KL: variants seen among roughly 807,000 people sequenced by gnomAD.
The protein encoded by KL is alpha-klotho.
KL carries 62 observed loss-of-function variants against 84.2 expected under a neutral mutation model. That is an observed-to-expected ratio of 0.74 (90% confidence interval 0.60 to 0.91). KL has a LOEUF of 0.91. Among genes scored for constraint, KL ranks in the 40% least tolerant of loss-of-function variants. The pLI is 0.00. For missense variants in KL, 1,261 were observed against 1,305.7 expected (o/e 0.97, Z 0.53); for synonymous variants, 528 against 528.0 (o/e 1.00, Z 0.00).
At chr13:33,043,382 G>A (rs1160191265) in intron 1 of KL, among the ~76,000 whole-genome samples, 1 of 151,980 alleles carries the variant, frequency 6.6e-6, no homozygotes, top group Non-Finnish European at 1.5e-5. Context: ...ACCACACCCA[G>A]CTAATTTTTG....
intron 3 of KL, among the ~76,000 whole-genome samples, chr13:33,058,332 ATTTTCTTTTTTTTT>A (rs372036387): frequency 0.019 from 2,769 of 147,660 alleles, 60 homozygotes; most frequent in Non-Finnish European, 0.03. Context: ...AAAGTCCTGT[ATTTTCTTTTTTTTT>A]TTTTCTTTTT....
rs1013502939 is a variant in KL, at chr13:33,061,478, C to A, written c.2399C>A (p.Thr800Asn). Residue 800 changes from threonine to asparagine, a missense_variant, in exon 4 of 5, where the codon ACC becomes AAC. Physicochemically the swap from Thr to Asn is moderately conservative, Grantham distance 65. Coordinates refer to ENST00000380099, the MANE Select transcript of KL (RefSeq NM_004795.4). ...TEDEKKLIQG[T>N]FDFLALSHYT... ...GATGAAAAAAAGCTAATCCAGGGTA[C>A]CTTTGACTTTTTGGCTTTAAGCCAT... 1 of 1,614,146 alleles carries A rather than the reference C, an allele frequency of 6.2e-7. No homozygotes were observed. Among genetic ancestry groups the A allele is most frequent in the Non-Finnish European group, 8.5e-7 (1 of 1,180,026 alleles).
In KL at chr13:33,017,083, C is replaced by G. The variant is rs1196563664; in HGVS notation, c.643C>G (p.His215Asp). Residue 215 changes from histidine (H) to aspartate (D), a missense_variant, in exon 1 of 5, where the codon CAC (histidine) becomes GAC (aspartate). By Grantham distance (81) the His-to-Asp change is moderately conservative (BLOSUM62 -1). Coordinates refer to ENST00000380099, the MANE Select transcript of KL (RefSeq NM_004795.4). Reference sequence around the variant, plus strand: ...CTGGGCCAACCGCGCCCTGGCCGACCACTTCAGGGATTACGCGGAGCTCTG... The same window carrying G: ...CTGGGCCAACCGCGCCCTGGCCGACGACTTCAGGGATTACGCGGAGCTCTG... Reference protein sequence around the residue: ...GGWANRALADHFRDYAELCFR... With the variant: ...GGWANRALADDFRDYAELCFR... 1 of 1,605,072 alleles carries G rather than the reference C, an allele frequency of 6.2e-7. No individual in the cohort carries two copies. The highest frequency in any genetic ancestry group is 1.3e-5 in the African/African-American group (1 of 74,918).
rs909806185 is a variant in KL at position 33,064,862 on chromosome 13, T to C, written c.*676T>C. 14 of 228,580 alleles carry C rather than the reference T, an allele frequency of 6.1e-5. No individual in the cohort carries two copies. The highest frequency in any genetic ancestry group is 1.2e-4 in the Non-Finnish European group (14 of 115,246). 14.2% of individuals were successfully genotyped at this position (228,580 alleles called of 1,614,324 possible). On this transcript the variant is annotated 3_prime_UTR_variant, in exon 5 of 5. Transcript: ENST00000380099. ...GTCTAAACCCTGTGTCCCTGAGGGA[T>C]CTGTCTCACTGGCATCTTGTTGAGG...
At chr13:33,052,179 A>G (rs1871780200) in intron 1 of KL, among the ~76,000 whole-genome samples, 1 of 151,968 alleles carries the variant, frequency 6.6e-6, no homozygotes, top group African/African-American at 2.4e-5. Flanking sequence ...CTAGTTGTGA[A>G]CTCCTGGTAT....
At chr13:33,019,889 G>A (rs922146990) in intron 1 of KL, among the ~76,000 whole-genome samples, 5 of 152,096 alleles carry the variant, frequency 3.3e-5, no homozygotes, top group Non-Finnish European at 7.4e-5. Flanking sequence ...TTTTCTCTCG[G>A]ACTTGAAGAC....
rs888110462 is a variant in KL at position 33,061,232 on chromosome 13, T to G, written c.2153T>G (p.Phe718Cys). 3 of 1,614,122 alleles carry G rather than the reference T, an allele frequency of 1.9e-6. No individual in the cohort carries two copies. The highest frequency in any genetic ancestry group is 2.5e-6 in the Non-Finnish European group (3 of 1,180,050). The change falls in exon 4 of 5, where the codon TTT becomes TGT. Residue 718 changes from phenylalanine to cysteine, a missense_variant. Phe to Cys is a radical substitution (Grantham distance 205, BLOSUM62 -2). Coordinates refer to ENST00000380099, the MANE Select transcript of KL (RefSeq NM_004795.4). Reference protein sequence around the residue: ...ALAWHVYNEKFRHAQNGKISI... With the variant: ...ALAWHVYNEKCRHAQNGKISI... The stretch of plus-strand genomic sequence containing the variant: ...GCTTGGCATGTGTACAATGAAAAGT[T>G]TAGGCATGCTCAGAATGGGAAAATA...
intron 1 of KL, among the ~76,000 whole-genome samples, chr13:33,036,934 A>T (rs1871162979): frequency 1.3e-5 from 2 of 152,282 alleles, no homozygotes; most frequent in South Asian, 4.1e-4. Context: ...TCTAAAGGAG[A>T]TCTAATCTCA....
chr13:33,019,256 A>G (rs994518332), intron 1 of KL, among the ~76,000 whole-genome samples: 1 of 151,610 alleles, frequency 6.6e-6, no homozygotes, highest in African/African-American at 2.4e-5. Context: ...ATTTTGTTGT[A>G]TGAGATACTT....
At chr13:33,052,311 A>G (rs1484131728) in intron 1 of KL, among the ~76,000 whole-genome samples, 1 of 152,164 alleles carries the variant, frequency 6.6e-6, no homozygotes, top group East Asian at 1.9e-4. Context: ...TCAATGAGGA[A>G]GGGAGGCCTG....
chr13:33,024,164 A>T (rs867411495), intron 1 of KL, among the ~76,000 whole-genome samples: 1 of 151,746 alleles, frequency 6.6e-6, no homozygotes, highest in Non-Finnish European at 1.5e-5. Flanking sequence ...TGAAAAGACC[A>T]GTACGTTTTG....
chr13:33,055,503 T>C (rs2138234975), intron 3 of KL, 188 bp downstream of exon 3: 1 of 681,898 alleles, frequency 1.5e-6, no homozygotes, highest in East Asian at 2.7e-5. Context: ...CCAATCTTCA[T>C]CTTGTTTAAG....
chr13:33,029,167 C>T (rs1870882181), intron 1 of KL, among the ~76,000 whole-genome samples: 1 of 152,196 alleles, frequency 6.6e-6, no homozygotes, highest in East Asian at 1.9e-4. Context: ...AGTTATAGCA[C>T]ATATTTATAG....
chr13:33,044,214 T>A (rs1435981662), intron 1 of KL, among the ~76,000 whole-genome samples: 1 of 152,260 alleles, frequency 6.6e-6, no homozygotes, highest in African/African-American at 2.4e-5. Context: ...TATCACCCTA[T>A]ATTAAATAAT....
rs559225979 is a variant in KL at position 33,017,427 on chromosome 13, G to A, written c.819+168G>A. ...AGTTCTGACTTCCCTTGGAAGGCGT[G>A]GAATTAGGAGAGAAATCCCTTAGTG... On this transcript the variant is annotated intron_variant, in intron 1 of 4. Coordinates refer to ENST00000380099, the MANE Select transcript of KL (RefSeq NM_004795.4). 1.1e-3 allele frequency among the ~76,000 whole-genome samples: 165 copies of A among 152,344 alleles called. 3 individuals carry two copies. Among genetic ancestry groups the A allele is most frequent in the African/African-American group, 3.8e-3 (160 of 41,590 alleles).
Position 33,017,257 on chromosome 13 carries a change from C to T in KL, c.817C>T (p.Leu273=), listed in dbSNP as rs751670383. 3.3e-5 allele frequency: 52 copies of T among 1,566,648 alleles called. No homozygotes were observed. The highest frequency in any genetic ancestry group is 4.1e-5 in the Non-Finnish European group (48 of 1,162,878). The part of the protein sequence containing the change: ...LGYLVAHNLL[L]AHAKVWHLYN... ...GTACCTGGTGGCGCACAACCTCCTC[C>T]TGGTGAGTGCGAGGGGCCAGGCGGA... Residue 273 remains leucine (L), a splice_region_variant and synonymous_variant, in exon 1 of 5, where the codon CTG becomes TTG. Coordinates refer to ENST00000380099, the MANE Select transcript of KL (RefSeq NM_004795.4).
intron 2 of KL, 84 bp from the exon 3 acceptor site, chr13:33,054,963 T>C (rs1391957422): frequency 6.4e-7 from 1 of 1,553,128 alleles, no homozygotes; most frequent in Non-Finnish European, 8.9e-7. Flanking sequence ...TTTATTTAAG[T>C]AGGAAACGCT....
chr13:33,017,917 T>G (rs1035897781), intron 1 of KL, among the ~76,000 whole-genome samples: 2 of 152,232 alleles, frequency 1.3e-5, no homozygotes, highest in African/African-American at 4.8e-5. Context: ...TGATATAGAT[T>G]GTTCTACCAC....
In KL at chr13:33,063,918, G is replaced by A. The variant is rs773633092; in HGVS notation, c.2771G>A (p.Arg924Lys). ...AYSFNDRTAP[R>K]FGLYRYAADQ... The stretch of plus-strand genomic sequence containing the variant: ...TCGTTTAACGACCGCACAGCTCCGA[G>A]GTTTGGCCTCTATCGTTATGCTGCA... Residue 924 changes from arginine to lysine, a missense_variant, in exon 5 of 5, where the codon AGG becomes AAG. Transcript: ENST00000380099. 10 of 1,614,092 alleles carry A rather than the reference G, an allele frequency of 6.2e-6. No homozygotes were observed. The highest frequency in any genetic ancestry group is 1.7e-5 in the Admixed American group (1 of 60,002).
Sources: gnomAD v4.1 joint callset for allele counts (sites outside exome capture counted in the v4.1 genomes callset) on GRCh38, gnomAD v4.1.1 for gene constraint, MANE v1.5 for transcripts, NCBI Gene and HGNC (gene_info 2026-07-23, HGNC 2026-07-21) for gene names.